Variants in DNAH10 observed in about 807,000 individuals in gnomAD.
DNAH10 encodes the protein axonemal beta dynein heavy chain 10.
Under a neutral mutation model 506.6 loss-of-function variants are expected in DNAH10, and 348 were observed. That is an observed-to-expected ratio of 0.69 (90% CI 0.63 to 0.75). The LOEUF (loss-of-function observed/expected upper bound fraction) is 0.75. Among genes scored for constraint, DNAH10 ranks in the 30% least tolerant of loss-of-function variants. The probability of loss-of-function intolerance (pLI) is 0.00; values close to 1 mark genes in which losing one functional copy is unlikely to be tolerated. For synonymous variants in DNAH10, 2,059 were observed against 2,198.6 expected (o/e 0.94, Z 1.78); for missense variants, 5,179 against 5,787.1 (o/e 0.89, Z 3.41).
chr12:123,765,600 A>ATCTATCTATC (rs1957006762), intron 1 of DNAH10, among the ~76,000 whole-genome samples: 1 of 74,842 alleles, frequency 1.3e-5, no homozygotes, highest in East Asian at 1.0e-3. Flanking sequence ...ATCTATCTAT[A>ATCTATCTATC]CATACCTCTA....
chr12:123,836,861 T>C (rs1961184273), intron 28 of DNAH10, among the ~76,000 whole-genome samples: 1 of 151,322 alleles, frequency 6.6e-6, no homozygotes, highest in Admixed American at 6.6e-5. Flanking sequence ...TCTCTCTCTT[T>C]TTTTTTTTTG....
In DNAH10 at chr12:123,916,695, C is replaced by G; in HGVS notation, c.10961C>G (p.Ser3654Cys). 6.2e-7 allele frequency: 1 copy of G among 1,613,578 alleles called. No homozygotes were observed. The highest frequency in any genetic ancestry group is 8.5e-7 in the Non-Finnish European group (1 of 1,179,694). The change falls in exon 63 of 79, where the codon TCC becomes TGC. Residue 3654 changes from serine (S) to cysteine (C), a missense_variant. Ser to Cys is a moderately radical substitution (Grantham distance 112). Coordinates refer to ENST00000673944, the MANE Select transcript of DNAH10 (RefSeq NM_001372106.1). The surrounding 1 kb of genome is among the most constrained non-coding windows in gnomAD (Gnocchi z 4.6). Reference protein sequence around the residue: ...LNTKLANPRYSPSVFGKAMVI... With the variant: ...LNTKLANPRYCPSVFGKAMVI... ...ACCAAGCTGGCCAATCCCAGATATT[C>G]CCCATCCGTGTTTGGGAAAGCTATG...
chr12:123,851,225 C>A lies in DNAH10; in HGVS notation c.6291+149C>A, dbSNP rs764503362. 22 of 828,772 alleles carry A rather than the reference C, an allele frequency of 2.7e-5. 2 individuals are homozygous for A. Among genetic ancestry groups the A allele is most frequent in the Non-Finnish European group, 3.3e-5 (19 of 577,844 alleles). The allele number at this position is 828,772 out of a possible 1,614,324, so 51.3% of individuals were successfully genotyped here. A position where few individuals can be genotyped will look rare whatever the true frequency, so the allele number is the denominator to read the frequency against. Reference sequence around the variant, plus strand: ...CTCCATGTGGCTCTTCCAGATGGGACCTAGGATGTGTTAGCTCCGTGTGGC... The same window carrying A: ...CTCCATGTGGCTCTTCCAGATGGGAACTAGGATGTGTTAGCTCCGTGTGGC... On this transcript the variant is annotated intron_variant, in intron 35 of 78. Coordinates refer to ENST00000673944, the MANE Select transcript of DNAH10 (RefSeq NM_001372106.1).
intron 51 of DNAH10, among the ~76,000 whole-genome samples, 189 bp from the exon 52 acceptor site, chr12:123,886,953 C>T (rs1300458100): frequency 6.6e-6 from 1 of 152,156 alleles, no homozygotes; most frequent in African/African-American, 2.4e-5. Context: ...TGTTGCTGGG[C>T]TCATGGGGCT....
chr12:123,885,611 C>G (rs1280959499), intron 51 of DNAH10, among the ~76,000 whole-genome samples: 4 of 152,072 alleles, frequency 2.6e-5, no homozygotes, highest in African/African-American at 9.7e-5. Flanking sequence ...TGGAGTTTGC[C>G]TCTTTGGAGT....
chr12:123,924,953 T>A, intron 67 of DNAH10, 97 bp from the exon 68 acceptor site: 2 of 1,509,698 alleles, frequency 1.3e-6, no homozygotes, highest in South Asian at 2.6e-5. Context: ...CTATGGATTC[T>A]CGTCCCTTTC....
chr12:123,830,424 G>T, intron 25 of DNAH10, 122 bp from the exon 26 acceptor site: 1 of 1,118,434 alleles, frequency 8.9e-7, no homozygotes, highest in Non-Finnish European at 1.3e-6. Context: ...ATGTCCTCAT[G>T]TTGCAGAATT....
intron 48 of DNAH10, 25 bp from the exon 49 acceptor site, chr12:123,879,239 G>T: frequency 6.4e-7 from 1 of 1,555,724 alleles, no homozygotes; most frequent in Non-Finnish European, 8.7e-7. Flanking sequence ...CTTCCTGGCT[G>T]ATTTTTGTCC....
chr12:123,797,323 G>T (rs1365883863), intron 13 of DNAH10, among the ~76,000 whole-genome samples: 4 of 152,208 alleles, frequency 2.6e-5, no homozygotes, highest in African/African-American at 9.6e-5. Context: ...TGAGTTAGAG[G>T]GTCTTTCTGT....
chr12:123,924,145 C>T, intron 66 of DNAH10, 133 bp from the exon 67 acceptor site: 1 of 1,269,338 alleles, frequency 7.9e-7, no homozygotes, highest in Non-Finnish European at 1.1e-6. Flanking sequence ...CGAGGGCAAG[C>T]CTGGGCCACT....
In DNAH10 at chr12:123,913,130, T is replaced by C. The variant is rs1301543189; in HGVS notation, c.10167T>C (p.Thr3389=). Residue 3389 remains threonine (T), a synonymous_variant, in exon 60 of 79, where the codon ACT becomes ACC. Coordinates refer to ENST00000673944, the MANE Select transcript of DNAH10 (RefSeq NM_001372106.1). This position sits in a 1 kb window ranked among gnomAD's most constrained non-coding sequence, Gnocchi z 5.1. ...GGCTGGAGCGGAATTTTTACCTCAC[T>C]AAACGGGAACTGGAAAGGATCCAGA... ...VARLERNFYL[T]KRELERIQNE... The C allele has an allele frequency of 1.9e-6, 3 of 1,611,498 alleles. No individual in the cohort carries two copies. Among genetic ancestry groups the C allele is most frequent in the Non-Finnish European group, 2.5e-6 (3 of 1,179,332 alleles).
intron 49 of DNAH10, 108 bp downstream of exon 49, chr12:123,879,465 A>T: frequency 6.9e-7 from 1 of 1,452,436 alleles, no homozygotes; most frequent in Non-Finnish European, 9.3e-7. Flanking sequence ...TAGGCACGAA[A>T]GGTCAATGGG....
At position 123,879,364 on chromosome 12, in the gene DNAH10, A is replaced by G; in HGVS notation, c.8466+7A>G. 2 of 1,559,404 alleles carry G rather than the reference A, an allele frequency of 1.3e-6. No individual in the cohort carries two copies. Among genetic ancestry groups the G allele is most frequent in the East Asian group, 2.4e-5 (1 of 41,728 alleles). On this transcript the variant is annotated splice_region_variant and intron_variant, in intron 49 of 78. Transcript: ENST00000673944. ...TGAAACAGACAAGCAGCTGGTCAGTACATCCAATGCTTCTTCTCAGGAAAT... is the reference window on the plus strand; with the variant it reads ...TGAAACAGACAAGCAGCTGGTCAGTGCATCCAATGCTTCTTCTCAGGAAAT...
chr12:123,809,033 C>T (rs898125465), intron 19 of DNAH10, 80 bp downstream of exon 19: 105 of 1,508,880 alleles, frequency 7.0e-5, no homozygotes, highest in African/African-American at 1.1e-4. Context: ...GGACTATAGG[C>T]GTGAGCCACT....
chr12:123,930,658 G>A, intron 73 of DNAH10, 85 bp downstream of exon 73: 2 of 1,493,958 alleles, frequency 1.3e-6, no homozygotes, highest in Non-Finnish European at 1.8e-6. Flanking sequence ...CTCCTGGTGG[G>A]GGCTCCTCGG....
rs548548704 is a variant in DNAH10, at chr12:123,902,866, C to T, written c.9641-73C>T. 6.7e-7 allele frequency: 1 copy of T among 1,489,348 alleles called. No homozygotes were observed. The highest frequency in any genetic ancestry group is 2.3e-5 in the Admixed American group (1 of 44,432). The allele number at this position is 1,489,348 out of a possible 1,614,324, so 92.3% of individuals were successfully genotyped here. A position where few individuals can be genotyped will look rare whatever the true frequency, so the allele number is the denominator to read the frequency against. ...CAAGCCAACCTTTGAGGACTGCACT[C>T]TGCTCAGAGCCGGGGCCGCGAGTGC... On this transcript the variant is annotated intron_variant, in intron 56 of 78. Transcript: ENST00000673944. The surrounding 1 kb of genome is among the most constrained non-coding windows in gnomAD (Gnocchi z 4.5).
At chr12:123,878,006 T>A (rs1207952257) in intron 48 of DNAH10, 98 bp downstream of exon 48, 11 of 1,404,382 alleles carry the variant, frequency 7.8e-6, no homozygotes, top group African/African-American at 1.4e-5. Flanking sequence ...GATGAATCGT[T>A]GTATGAATTA....
chr12:123,861,645 C>G (rs1951617493), intron 39 of DNAH10, among the ~76,000 whole-genome samples: 1 of 152,238 alleles, frequency 6.6e-6, no homozygotes, highest in South Asian at 2.1e-4. Flanking sequence ...GATGACATCA[C>G]CACATGCCAT....
rs1951130225 is a variant in DNAH10, at chr12:123,850,845, G to T, written c.6103-43G>T. ...CCCTTTCCAAGGGGCTGGCCGGCCG[G>T]GCCACCTAACTGCTTCTTTCTTTCT... On this transcript the variant is annotated intron_variant, in intron 34 of 78. Transcript: ENST00000673944. This position sits in a 1 kb window ranked among gnomAD's most constrained non-coding sequence, Gnocchi z 5.5. The T allele has an allele frequency of 6.4e-7, 1 of 1,569,928 alleles. No individual in the cohort carries two copies. The highest frequency in any genetic ancestry group is 1.4e-5 in the African/African-American group (1 of 73,836).
Sources: gnomAD v4.1 joint callset for allele counts (sites outside exome capture counted in the v4.1 genomes callset) on GRCh38, gnomAD v4.1.1 for gene constraint, Gnocchi (gnomAD v3.1) non-coding constraint, MANE v1.5 for transcripts, NCBI Gene and HGNC (gene_info 2026-07-23, HGNC 2026-07-21) for gene names.